The following TMEM117 variants were observed in gnomAD, a reference collection of about 807,000 sequenced individuals.
TMEM117 encodes transmembrane protein 117.
Under a neutral mutation model 52.4 loss-of-function variants are expected in TMEM117, and 27 were observed. That is an observed-to-expected ratio of 0.51 (90% CI 0.38 to 0.71). The LOEUF (loss-of-function observed/expected upper bound fraction) is 0.71. Ranked by LOEUF, TMEM117 falls within the 30% of genes least tolerant of loss-of-function variation. The probability of loss-of-function intolerance (pLI) is 0.00; values close to 1 mark genes in which losing one functional copy is unlikely to be tolerated. For missense variants in TMEM117, 556 were observed against 630.5 expected (o/e 0.88, Z 1.26); for synonymous variants, 215 against 206.3 (o/e 1.04, Z -0.36).
intron 3 of TMEM117, among the ~76,000 whole-genome samples, chr12:44,075,840 T>C (rs1947373667): frequency 6.6e-6 from 1 of 152,152 alleles, no homozygotes; most frequent in South Asian, 2.1e-4. Context: ...TTTGAAACTG[T>C]GGCCAGGTAG....
chr12:44,052,552 G>A (rs1373973427), intron 3 of TMEM117, among the ~76,000 whole-genome samples: 5 of 152,120 alleles, frequency 3.3e-5, no homozygotes, highest in East Asian at 1.9e-4. Flanking sequence ...CCTGAGTTCC[G>A]TGATGTGGGT....
At chr12:44,127,807 AG>A (rs1455315353) in intron 3 of TMEM117, among the ~76,000 whole-genome samples, 2 of 152,248 alleles carry the variant, frequency 1.3e-5, no homozygotes, top group Non-Finnish European at 2.9e-5. Context: ...TGAATTTTTC[AG>A]TATCAGCTTC....
rs187732456 is a variant in TMEM117, at chr12:44,362,625, C to A, written c.769-13970C>A. 2.4e-4 allele frequency among the ~76,000 whole-genome samples: 36 copies of A among 150,130 alleles called. No homozygotes were observed. The East Asian group carries it at 4.3e-3, about 18-fold the overall frequency. On this transcript the variant is annotated intron_variant, in intron 6 of 7. Transcript: ENST00000266534. ...AGAGATTAGTTGTTAACTAGGATAG[C>A]AAAACAAGTGTTAGCTTAGAATTGT...
intron 5 of TMEM117, among the ~76,000 whole-genome samples, chr12:44,240,828 TA>T (rs1163372315): frequency 5.3e-5 from 8 of 152,112 alleles, no homozygotes; most frequent in African/African-American, 1.9e-4. Context: ...AATTTACATA[TA>T]TTATTTCACA....
intron 3 of TMEM117, among the ~76,000 whole-genome samples, chr12:44,075,210 A>G (rs1288701643): frequency 6.6e-6 from 1 of 152,164 alleles, no homozygotes; most frequent in Non-Finnish European, 1.5e-5. Context: ...GGTACATCTG[A>G]AGGATGGTGG....
At chr12:44,270,235 A>C (rs557250886) in intron 5 of TMEM117, among the ~76,000 whole-genome samples, 2 of 152,254 alleles carry the variant, frequency 1.3e-5, no homozygotes, top group South Asian at 4.1e-4. Context: ...TTAATCTCTC[A>C]AAGTATAATG....
At chr12:44,229,085 G>C (rs1949901404) in intron 5 of TMEM117, among the ~76,000 whole-genome samples, 2 of 152,010 alleles carry the variant, frequency 1.3e-5, no homozygotes, top group African/African-American at 4.8e-5. Context: ...GAGGAGGAAT[G>C]GAAAGAGGCT....
intron 1 of TMEM117, among the ~76,000 whole-genome samples, chr12:43,836,718 C>A (rs1198510082): frequency 6.6e-6 from 1 of 151,646 alleles, no homozygotes; most frequent in East Asian, 1.9e-4. Context: ...TATTTTTTTT[C>A]ATTCCTATTT....
At chr12:44,059,200 C>A (rs909692092) in intron 3 of TMEM117, among the ~76,000 whole-genome samples, 1 of 152,108 alleles carries the variant, frequency 6.6e-6, no homozygotes, top group Non-Finnish European at 1.5e-5. Context: ...TAACAGGCAG[C>A]AGTATCGGTC....
chr12:44,130,399 G>A (rs1212429989), intron 3 of TMEM117, among the ~76,000 whole-genome samples: 2 of 152,124 alleles, frequency 1.3e-5, no homozygotes, highest in South Asian at 4.1e-4. Context: ...ACTATCTCAT[G>A]TTTTAGGCCC....
At chr12:44,356,087 C>A (rs915187335) in intron 6 of TMEM117, among the ~76,000 whole-genome samples, 2 of 152,046 alleles carry the variant, frequency 1.3e-5, no homozygotes, top group African/African-American at 4.8e-5. Flanking sequence ...AATTGTGAGA[C>A]CCATTGGTCA....
intron 5 of TMEM117, among the ~76,000 whole-genome samples, chr12:44,289,238 TGTG>T (rs2138616164): frequency 7.3e-6 from 1 of 136,940 alleles, no homozygotes; most frequent in South Asian, 2.3e-4. Context: ...TGTGTGTGTG[TGTG>T]TGTGTGTGTG....
In TMEM117 at chr12:43,841,126, A is replaced by C. The variant is rs919455445; in HGVS notation, c.-28-3498A>C. ...GGACCCTCTAGAAGATATCACTTCA[A>C]CTTCAGAATTATGAGGCAAGAATAA... On this transcript the variant is annotated intron_variant, in intron 1 of 7. Coordinates refer to ENST00000266534, the MANE Select transcript of TMEM117 (RefSeq NM_032256.3). 2.0e-5 allele frequency among the ~76,000 whole-genome samples: 3 copies of C among 152,238 alleles called. No individual in the cohort carries two copies. The East Asian group carries it at 5.8e-4, about 29-fold the overall frequency.
At chr12:43,990,620 T>G (rs981384066) in intron 3 of TMEM117, among the ~76,000 whole-genome samples, 1 of 152,202 alleles carries the variant, frequency 6.6e-6, no homozygotes, top group African/African-American at 2.4e-5. Flanking sequence ...TAATTAGGAT[T>G]TAGTGTGCTG....
intron 6 of TMEM117, among the ~76,000 whole-genome samples, chr12:44,301,713 C>T (rs1950841908): frequency 6.6e-6 from 1 of 152,136 alleles, no homozygotes; most frequent in Non-Finnish European, 1.5e-5. Context: ...TTTTTGCCTT[C>T]TCTTTTTTTT....
intron 4 of TMEM117, among the ~76,000 whole-genome samples, chr12:44,159,907 T>C (rs1356252026): frequency 6.6e-6 from 1 of 152,088 alleles, no homozygotes; most frequent in African/African-American, 2.4e-5. Context: ...GGTGTGGAAA[T>C]GACAGAGAAG....
At chr12:44,094,364 T>C (rs79114270) in intron 3 of TMEM117, among the ~76,000 whole-genome samples, 1,532 of 152,172 alleles carry the variant, frequency 0.01, 10 homozygotes, top group African/African-American at 0.016. Context: ...GTGAGTGGAA[T>C]GAATTGGAGG....
chr12:44,140,001 T>C (rs1216277828), intron 3 of TMEM117, among the ~76,000 whole-genome samples: 1 of 152,188 alleles, frequency 6.6e-6, no homozygotes, highest in African/African-American at 2.4e-5. Flanking sequence ...TTCATATTTA[T>C]CCAAAGCAGC....
intron 3 of TMEM117, among the ~76,000 whole-genome samples, chr12:44,110,068 AC>A (rs1948030933): frequency 1.6e-5 from 1 of 64,472 alleles, no homozygotes; most frequent in Non-Finnish European, 2.7e-5. Context: ...GTATCCTGAG[AC>A]TTTGCTGAAG....
Sources: gnomAD v4.1 joint callset for allele counts (sites outside exome capture counted in the v4.1 genomes callset) on GRCh38, gnomAD v4.1.1 for gene constraint, MANE v1.5 for transcripts, NCBI Gene and HGNC (gene_info 2026-07-23, HGNC 2026-07-21) for gene names.